The following CEP128 variants were observed in gnomAD, a reference collection of about 807,000 sequenced individuals.
CEP128 encodes the protein centrosomal protein 128kDa.
CEP128 carries 132 observed loss-of-function variants against 156.7 expected under a neutral mutation model. The observed-to-expected ratio is 0.84, with a 90% CI of 0.73 to 0.97. CEP128 has a LOEUF of 0.97. CEP128 is among the 50% of genes least tolerant of loss of function. The pLI is 0.00. For missense variants in CEP128, 1,252 were observed against 1,281.9 expected (o/e 0.98, Z 0.36); for synonymous variants, 469 against 448.9 (o/e 1.04, Z -0.57).
intron 8 of CEP128, among the ~76,000 whole-genome samples, chr14:80,883,478 G>A (rs1361162237): frequency 2.6e-5 from 4 of 151,904 alleles, no homozygotes; most frequent in Non-Finnish European, 1.5e-5. Flanking sequence ...AATCAAGAAG[G>A]TAATCCAATT....
At chr14:80,593,413 C>T (rs926623579) in intron 19 of CEP128, among the ~76,000 whole-genome samples, 2 of 151,658 alleles carry the variant, frequency 1.3e-5, no homozygotes, top group Non-Finnish European at 2.9e-5. Context: ...TGGTGGAAGG[C>T]GCCTGTAGTC....
At chr14:80,547,315 T>A (rs1006889036) in intron 21 of CEP128, among the ~76,000 whole-genome samples, 1 of 152,228 alleles carries the variant, frequency 6.6e-6, no homozygotes, top group African/African-American at 2.4e-5. Context: ...AATATGAGAT[T>A]TGATTGCAAA....
chr14:80,619,798 A>G (rs1202216173), intron 19 of CEP128, among the ~76,000 whole-genome samples: 1 of 152,202 alleles, frequency 6.6e-6, no homozygotes, highest in Non-Finnish European at 1.5e-5. Flanking sequence ...CAAAATTTCA[A>G]TAGGCAGGTT....
chr14:80,949,399 A>T (rs1407531326), intron 2 of CEP128, among the ~76,000 whole-genome samples: 1 of 152,146 alleles, frequency 6.6e-6, no homozygotes, highest in Non-Finnish European at 1.5e-5. Flanking sequence ...CGAGAACTAT[A>T]AAGGGTCTCC....
intron 9 of CEP128, 34 bp from the exon 10 acceptor site, chr14:80,840,802 A>C: frequency 7.7e-7 from 1 of 1,290,410 alleles, no homozygotes; most frequent in Non-Finnish European, 1.1e-6. Context: ...AATTATCCCA[A>C]AATATGTACA....
At chr14:80,924,446 T>C (rs944493604) in intron 2 of CEP128, among the ~76,000 whole-genome samples, 4 of 152,178 alleles carry the variant, frequency 2.6e-5, no homozygotes, top group Admixed American at 6.5e-5. Flanking sequence ...AAATGAAAGA[T>C]GAAAGTAAAT....
At chr14:80,945,133 T>C (rs1409576788), upstream of CEP128, among the ~76,000 whole-genome samples, 1 of 152,206 alleles carries the variant, frequency 6.6e-6, no homozygotes, top group African/African-American at 2.4e-5. Flanking sequence ...GAGATCAATG[T>C]GTCAGCAAGT....
chr14:80,663,260 C>G (rs569472398), intron 19 of CEP128, among the ~76,000 whole-genome samples: 7 of 152,024 alleles, frequency 4.6e-5, no homozygotes, highest in Non-Finnish European at 8.8e-5. Context: ...CATGTCATGT[C>G]CACAAATATT....
rs144602589 is a variant in CEP128, at chr14:80,709,437, C to T, written c.2806+33638G>A. ...ACAGGCATGAGCCACTGCACCCAGC[C>T]AGTTTTAAATTATGTTTTAATATCT... On this transcript the variant is annotated intron_variant, in intron 19 of 24. Coordinates refer to ENST00000555265, the MANE Select transcript of CEP128 (RefSeq NM_152446.5). 3.9e-3 allele frequency among the ~76,000 whole-genome samples: 592 copies of T among 152,288 alleles called. 3 individuals are homozygous for T. The highest frequency in any genetic ancestry group is 0.014 in the African/African-American group (566 of 41,574).
chr14:80,957,794 A>T (rs2139676619), intron 2 of CEP128: 1 of 152,360 alleles, frequency 6.6e-6, no homozygotes, highest in African/African-American at 2.4e-5. Flanking sequence ...GGAAGGAGCC[A>T]AATTTCCTTC....
At chr14:80,956,648 T>C (rs1047976288) in intron 2 of CEP128, among the ~76,000 whole-genome samples, 3 of 150,770 alleles carry the variant, frequency 2.0e-5, no homozygotes. Flanking sequence ...GAAAGGACAG[T>C]AAAACAACCT....
chr14:80,822,459 C>G (rs1279215672), intron 13 of CEP128: 1 of 536,344 alleles, frequency 1.9e-6, no homozygotes, highest in Non-Finnish European at 3.6e-6. Context: ...GAGAACGAAC[C>G]CCTAACCAAC....
At chr14:80,887,858 T>A (rs750633905) in intron 8 of CEP128, among the ~76,000 whole-genome samples, 5 of 151,398 alleles carry the variant, frequency 3.3e-5, no homozygotes, top group African/African-American at 4.9e-5. Flanking sequence ...TTTGAAAAAA[T>A]TAGCAAAACA....
Position 80,748,992 on chromosome 14 carries a change from G to T in CEP128, c.2614-5725C>A, listed in dbSNP as rs185178694. Among the ~76,000 whole-genome samples, 312 of 152,212 alleles carry T rather than the reference G, an allele frequency of 2.0e-3. 2 individuals are homozygous for T. Among genetic ancestry groups the T allele is most frequent in the Middle Eastern group, 0.01 (3 of 294 alleles). ...CCCTTGGATCTTTAATAAACATCAG[G>T]AGTAGTCAGACAATAGTCACCATAA... is the stretch of plus-strand genomic sequence containing the variant. On this transcript the variant is annotated intron_variant, in intron 18 of 24. Coordinates refer to ENST00000555265, the MANE Select transcript of CEP128 (RefSeq NM_152446.5).
At chr14:80,911,540 A>C (rs1343116022) in intron 4 of CEP128, among the ~76,000 whole-genome samples, 1 of 152,164 alleles carries the variant, frequency 6.6e-6, no homozygotes, top group Non-Finnish European at 1.5e-5. Context: ...TAAAAATAGA[A>C]ATATGTGATT....
intron 21 of CEP128, among the ~76,000 whole-genome samples, chr14:80,543,091 A>T (rs796695363): frequency 2.6e-5 from 4 of 152,244 alleles, no homozygotes. Context: ...GGCAGATCAG[A>T]TCTAAACAGA....
downstream of CEP128, among the ~76,000 whole-genome samples, chr14:80,493,557 G>A (rs1339626876): frequency 6.6e-6 from 1 of 152,188 alleles, no homozygotes; most frequent in Admixed American, 6.5e-5. Context: ...AGCTATGTTA[G>A]AGAAGAAAAG....
At chr14:80,841,110 T>A (rs567989166) in intron 9 of CEP128, among the ~76,000 whole-genome samples, 3 of 152,222 alleles carry the variant, frequency 2.0e-5, no homozygotes, top group East Asian at 3.9e-4. Context: ...GTTAAGAAAA[T>A]ACACATTTCA....
intron 7 of CEP128, among the ~76,000 whole-genome samples, chr14:80,898,375 C>A (rs185790640): frequency 6.6e-6 from 1 of 152,128 alleles, no homozygotes; most frequent in Non-Finnish European, 1.5e-5. Context: ...GGTAAGCCAC[C>A]TCATTTCCCA....
Sources: gnomAD v4.1 joint callset for allele counts (sites outside exome capture counted in the v4.1 genomes callset) on GRCh38, gnomAD v4.1.1 for gene constraint, MANE v1.5 for transcripts, NCBI Gene and HGNC (gene_info 2026-07-23, HGNC 2026-07-21) for gene names.